The following RNASEH2B variants were observed in gnomAD, a reference collection of about 807,000 sequenced individuals.
The protein encoded by RNASEH2B is ribonuclease H2 subunit B.
In RNASEH2B, 36 loss-of-function variants were observed where a neutral mutation model predicts 45.0. That is an observed-to-expected ratio of 0.80 (90% CI 0.61 to 1.06). The LOEUF is 1.06. RNASEH2B is among the 50% of genes least tolerant of loss of function. The pLI is 0.00. For missense variants in RNASEH2B, 361 were observed against 360.3 expected, an observed-to-expected ratio of 1.00 and a Z score of -0.02; for synonymous variants, 119 against 125.7, an observed-to-expected ratio of 0.95 and a Z score of 0.35.
At chr13:50,924,188 A>G (rs183720448) in intron 1 of RNASEH2B, among the ~76,000 whole-genome samples, 16 of 152,316 alleles carry the variant, frequency 1.1e-4, no homozygotes, top group Admixed American at 1.0e-3. Context: ...ATCCATAATT[A>G]TATTAAATAT....
intron 9 of RNASEH2B, among the ~76,000 whole-genome samples, chr13:50,962,053 A>G (rs1952117382): frequency 6.6e-6 from 1 of 152,188 alleles, no homozygotes; most frequent in African/African-American, 2.4e-5. Context: ...GATAATCCCT[A>G]CTTGGTCACA....
chr13:50,939,962 A>T (rs971804818), intron 5 of RNASEH2B, among the ~76,000 whole-genome samples: 1 of 152,206 alleles, frequency 6.6e-6, no homozygotes, highest in African/African-American at 2.4e-5. Flanking sequence ...ATTAAGAAAA[A>T]AGGAGATTGT....
intron 1 of RNASEH2B, chr13:50,910,389 G>A (rs1049363684): frequency 2.8e-5 from 10 of 363,626 alleles, no homozygotes; most frequent in Admixed American, 1.9e-4. Flanking sequence ...CGGGTGGGAG[G>A]GTGGAAGCCG....
intron 9 of RNASEH2B, among the ~76,000 whole-genome samples, chr13:50,963,477 T>C (rs1952133705): frequency 6.6e-6 from 1 of 152,106 alleles, no homozygotes; most frequent in African/African-American, 2.4e-5. Flanking sequence ...AATATTGTAA[T>C]TTTTAGTTCT....
chr13:50,923,276 C>A (rs1224350345), intron 1 of RNASEH2B, among the ~76,000 whole-genome samples: 1 of 152,034 alleles, frequency 6.6e-6, no homozygotes, highest in Non-Finnish European at 1.5e-5. Context: ...GAAATAATAG[C>A]CAAATACTTC....
intron 1 of RNASEH2B, chr13:50,911,165 A>T (rs1299298441): frequency 6.6e-6 from 1 of 152,232 alleles, no homozygotes. Context: ...ATAACGCCTC[A>T]TGCCTGTTCC....
rs1951889902 is a variant in RNASEH2B, at chr13:50,945,522, T to C, written c.606T>C (p.Thr202=). The change falls in exon 7 of 11, where the codon ACT becomes ACC. Residue 202 remains threonine (T), a synonymous_variant. Coordinates refer to ENST00000336617, the MANE Select transcript of RNASEH2B (RefSeq NM_024570.4). The part of the protein sequence containing the change: ...TAFFSGDQAS[T]DKEEDYIRYA... The stretch of plus-strand genomic sequence containing the variant: ...TTTTCTCTGGTGACCAAGCTTCCAC[T>C]GACAAGGAAGGTAAGTAAAGCATTT... 6.2e-7 allele frequency: 1 copy of C among 1,610,130 alleles called. No individual in the cohort carries two copies. The highest frequency in any genetic ancestry group is 8.5e-7 in the Non-Finnish European group (1 of 1,176,456).
intron 9 of RNASEH2B, chr13:50,952,504 C>T (rs1254373368): frequency 6.6e-6 from 1 of 152,110 alleles, no homozygotes; most frequent in Non-Finnish European, 1.5e-5. Context: ...CAGGTTCAAG[C>T]AATTCTTGTG....
intron 5 of RNASEH2B, among the ~76,000 whole-genome samples, chr13:50,939,356 C>CAAAAAAAAAAAA (rs71190394): frequency 1.4e-5 from 2 of 145,584 alleles, no homozygotes; most frequent in African/African-American, 2.6e-5. Flanking sequence ...GACTCTGTTT[C>CAAAAAAAAAAAA]AAAAGAAAAA....
downstream of RNASEH2B, chr13:50,959,338 T>C (rs796410427): frequency 1.3e-5 from 2 of 152,332 alleles, no homozygotes; most frequent in African/African-American, 4.8e-5. Flanking sequence ...TAGACATATA[T>C]ACATAAACTT....
At chr13:50,951,340 T>G (rs1951973271) in intron 9 of RNASEH2B, 1 of 152,220 alleles carries the variant, frequency 6.6e-6, no homozygotes, top group Non-Finnish European at 1.5e-5. Context: ...GTTGACTGTT[T>G]CCAGGAAATA....
At chr13:50,955,605 A>T (rs1952035835) in intron 10 of RNASEH2B, 2 of 152,220 alleles carry the variant, frequency 1.3e-5, no homozygotes, top group Non-Finnish European at 2.9e-5. Context: ...AAAATACTTT[A>T]TCAATGACTT....
intron 4 of RNASEH2B, among the ~76,000 whole-genome samples, chr13:50,933,002 T>TA (rs1951701046): frequency 6.6e-6 from 1 of 152,224 alleles, no homozygotes; most frequent in East Asian, 1.9e-4. Flanking sequence ...ATCTGGAAGC[T>TA]ACTGTGATGG....
Position 50,943,340 on chromosome 13 carries a change from C to T in RNASEH2B, c.456C>T (p.Asn152=), listed in dbSNP as rs759529625. Residue 152 remains asparagine (N), a synonymous_variant, in exon 6 of 11, where the codon AAC becomes AAT. Coordinates refer to ENST00000336617, the MANE Select transcript of RNASEH2B (RefSeq NM_024570.4). ...TEEKGNPEID[N]KKYYKYSKEK... Reference sequence around the variant, plus strand: ...TTTAAGGTAATCCAGAAATAGACAACAAGAAATATTACAAGTACAGCAAAG... The same window carrying T: ...TTTAAGGTAATCCAGAAATAGACAATAAGAAATATTACAAGTACAGCAAAG... 6.3e-7 allele frequency: 1 copy of T among 1,597,652 alleles called. No homozygotes were observed. Among genetic ancestry groups the T allele is most frequent in the Non-Finnish European group, 8.6e-7 (1 of 1,167,048 alleles).
intron 1 of RNASEH2B, among the ~76,000 whole-genome samples, chr13:50,925,751 T>G (rs776914984): frequency 3.9e-5 from 6 of 152,206 alleles, no homozygotes; most frequent in Non-Finnish European, 7.3e-5. Flanking sequence ...ATGCATGCAC[T>G]GATCCTACTT....
chr13:50,947,935 C>A, intron 7 of RNASEH2B, 52 bp from the exon 8 acceptor site: 1 of 1,600,216 alleles, frequency 6.2e-7, no homozygotes, highest in Non-Finnish European at 8.5e-7. Context: ...ATAAAACCAC[C>A]ATAATTACTA....
chr13:50,920,819 A>G (rs1166708965), intron 1 of RNASEH2B, among the ~76,000 whole-genome samples: 2 of 152,174 alleles, frequency 1.3e-5, no homozygotes, highest in Non-Finnish European at 2.9e-5. Flanking sequence ...CAATTCATTT[A>G]TGTTATGTTT....
intron 10 of RNASEH2B, chr13:50,954,754 A>T (rs1952023275): frequency 6.6e-6 from 1 of 152,242 alleles, no homozygotes; most frequent in South Asian, 2.1e-4. Context: ...TAATTGAAAT[A>T]TATATAGCTA....
intron 4 of RNASEH2B, chr13:50,934,054 C>T (rs1278885351): frequency 6.6e-6 from 1 of 152,204 alleles, no homozygotes; most frequent in Non-Finnish European, 1.5e-5. Flanking sequence ...GTTGTCAGTA[C>T]ACGAGAGGTA....
Sources: gnomAD v4.1 joint callset for allele counts (sites outside exome capture counted in the v4.1 genomes callset) on GRCh38, gnomAD v4.1.1 for gene constraint, MANE v1.5 for transcripts, NCBI Gene and HGNC (gene_info 2026-07-23, HGNC 2026-07-21) for gene names.